Variants in CPNE7 observed in about 807,000 individuals in gnomAD.
CPNE7 encodes the protein copine 7.
Under a neutral mutation model 66.5 loss-of-function variants are expected in CPNE7, and 78 were observed. The observed-to-expected ratio is 1.17, with a 90% CI of 0.98 to 1.42. The LOEUF (loss-of-function observed/expected upper bound fraction) is 1.42, where lower values mean the gene tolerates loss of function less well. CPNE7 is among the 40% of genes most tolerant of loss of function. The pLI, the probability that CPNE7 is intolerant of heterozygous loss-of-function variation, is 0.00. For synonymous variants in CPNE7, 468 were observed against 336.7 expected, an observed-to-expected ratio of 1.39 and a Z score of -4.27; for missense variants, 1,012 against 776.6, an observed-to-expected ratio of 1.30 and a Z score of -3.60.
At chr16:89,583,807 C>A (rs2058993355) in intron 3 of CPNE7, 36 bp downstream of exon 3, 1 of 1,605,338 alleles carries the variant, frequency 6.2e-7, no homozygotes, top group Non-Finnish European at 8.5e-7. Context: ...CCTGCAGGCC[C>A]TGCTGCTGTG....
chr16:89,591,012 C>A lies in CPNE7; in HGVS notation c.1122C>A (p.Ser374=). The stretch of plus-strand genomic sequence containing the variant: ...GCCCTCTTGTTCCCACCCAGGTGTC[C>A]CATGACTTTGCCATCAATTTCAACC... The part of the protein sequence containing the change: ...GARIPPKYEV[S]HDFAINFNPE... The change falls in exon 12 of 15, where the codon TCC becomes TCA. Residue 374 remains serine, a synonymous_variant. Transcript: ENST00000319518. The A allele has an allele frequency of 1.2e-6, 2 of 1,613,682 alleles. No homozygotes were observed. Among genetic ancestry groups the A allele is most frequent in the Non-Finnish European group, 1.7e-6 (2 of 1,179,858 alleles).
intron 2 of CPNE7, among the ~76,000 whole-genome samples, chr16:89,582,610 AAG>A: frequency 6.6e-6 from 1 of 152,130 alleles, no homozygotes; most frequent in Non-Finnish European, 1.5e-5. Context: ...TTGCACCCCT[AAG>A]AGAGCCTTCC....
intron 5 of CPNE7, 139 bp from the exon 6 acceptor site, chr16:89,585,325 G>C: frequency 1.5e-6 from 1 of 648,118 alleles, no homozygotes; most frequent in Non-Finnish European, 2.7e-6. Context: ...CCAGCTCAGG[G>C]CCCCGGCGCT....
Position 89,592,395 on chromosome 16 carries a change from G to C in CPNE7, c.1302+1135G>C, listed in dbSNP as rs115475618. Among the ~76,000 whole-genome samples the C allele has an allele frequency of 2.5e-3, 385 of 151,254 alleles. 5 individuals carry two copies. Among genetic ancestry groups the C allele is most frequent in the African/African-American group, 8.7e-3 (358 of 41,002 alleles). ...TGAGGCCAACAGCTGCTCACACATT[G>C]CGCTCCTGCTTCACGTCTGTGTAGT... On this transcript the variant is annotated intron_variant, in intron 13 of 14. Coordinates refer to ENST00000319518, the MANE Select transcript of CPNE7 (RefSeq NM_153636.3).
rs1375730897 is a variant in CPNE7 at position 89,585,689 on chromosome 16, C to T, written c.684C>T (p.Cys228=). Residue 228 remains cysteine, a splice_region_variant and synonymous_variant, in exon 7 of 15, where the codon TGC becomes TGT. Transcript: ENST00000319518. ...CTGAGGAGGACTGGGCTCCCCAGTG[C>T]CTGGTCTGGGATTACGACTCTCGAG... ...CSCEETRPLK[C]LVWDYDSRGK... 2 of 1,553,010 alleles carry T rather than the reference C, an allele frequency of 1.3e-6. No homozygotes were observed. Among genetic ancestry groups the T allele is most frequent in the Non-Finnish European group, 8.7e-7 (1 of 1,147,994 alleles).
chr16:89,596,870 A>C lies in CPNE7; in HGVS notation c.*249A>C. ...GAGCCAGGTGGGTGGAGGGAGGGAG[A>C]TCATGAGGGACTTGGAGGGAGCTGG... On this transcript the variant is annotated 3_prime_UTR_variant, in exon 15 of 15. Transcript: ENST00000319518. 2.4e-6 allele frequency: 1 copy of C among 421,002 alleles called. No individual in the cohort carries two copies. Among genetic ancestry groups the C allele is most frequent in the Non-Finnish European group, 4.1e-6 (1 of 241,066 alleles). 26.1% of individuals were successfully genotyped at this position (421,002 alleles called of 1,614,324 possible).
At chr16:89,576,693 C>T (rs1033373130) in intron 1 of CPNE7, among the ~76,000 whole-genome samples, 3 of 152,152 alleles carry the variant, frequency 2.0e-5, no homozygotes, top group African/African-American at 4.8e-5. Context: ...CCGCAGCGGG[C>T]GGAGGAGCCG....
intron 1 of CPNE7, among the ~76,000 whole-genome samples, chr16:89,576,779 C>T (rs1348837905): frequency 6.6e-6 from 1 of 152,180 alleles, no homozygotes; most frequent in African/African-American, 2.4e-5. Flanking sequence ...CCAGCGCGGG[C>T]CCGGGCGGCT....
chr16:89,587,740 C>T (rs1184905314), intron 9 of CPNE7: 2 of 144,796 alleles, frequency 1.4e-5, no homozygotes, highest in African/African-American at 4.3e-5. Context: ...CCCACAGATA[C>T]ACGGCCCCCG....
At chr16:89,594,346 C>T (rs1327719337) in intron 13 of CPNE7, among the ~76,000 whole-genome samples, 1 of 151,918 alleles carries the variant, frequency 6.6e-6, no homozygotes, top group Non-Finnish European at 1.5e-5. Context: ...TAATTCTTCC[C>T]ACAGGTGTGG....
intron 9 of CPNE7, 103 bp downstream of exon 9, chr16:89,587,205 T>G: frequency 5.1e-6 from 2 of 393,102 alleles, no homozygotes; most frequent in African/African-American, 5.3e-5. Flanking sequence ...CCTCAGTCTG[T>G]GGCCCCGCCC....
Position 89,577,632 on chromosome 16 carries a change from C to A in CPNE7, c.268C>A (p.Arg90Ser). ...CTACTTCGAGGAGGTGCAGAGGCTG[C>A]GCTTTGAGGTGTACGACACGCATGG... The part of the protein sequence containing the change: ...DYYFEEVQRL[R>S]FEVYDTHGPS... The change falls in exon 2 of 15, where the codon CGC (arginine) becomes AGC (serine). Residue 90 changes from arginine to serine, a missense_variant. Physicochemically the swap from Arg to Ser is moderately radical, Grantham distance 110. Coordinates refer to ENST00000319518, the MANE Select transcript of CPNE7 (RefSeq NM_153636.3). The A allele has an allele frequency of 1.3e-6, 2 of 1,580,790 alleles. No individual in the cohort carries two copies. Among genetic ancestry groups the A allele is most frequent in the East Asian group, 2.3e-5 (1 of 43,348 alleles).
At chr16:89,588,592 T>C in intron 9 of CPNE7, 83 bp from the exon 10 acceptor site, 2 of 1,572,566 alleles carry the variant, frequency 1.3e-6, no homozygotes, top group Admixed American at 1.7e-5. Context: ...TCCTGGCCAC[T>C]CTGGGCGTGG....
intron 10 of CPNE7, 67 bp from the exon 11 acceptor site, chr16:89,589,829 CT>C: frequency 6.4e-7 from 1 of 1,570,610 alleles, no homozygotes; most frequent in Non-Finnish European, 8.7e-7. Flanking sequence ...TCATGTCTCC[CT>C]AGAAGTGGCC....
chr16:89,577,923 A>AAGCCT (rs2058886148), intron 2 of CPNE7, among the ~76,000 whole-genome samples: 1 of 152,208 alleles, frequency 6.6e-6, no homozygotes. Context: ...GTATGTTTTA[A>AAGCCT]AGCCTGAAGG....
intron 13 of CPNE7, chr16:89,594,245 A>G (rs1196323846): frequency 6.6e-6 from 1 of 151,740 alleles, no homozygotes; most frequent in Admixed American, 6.6e-5. Context: ...GGGCTTTCTG[A>G]GGCTGGGCTG....
chr16:89,584,952 C>T lies in CPNE7; in HGVS notation c.591+95C>T. The stretch of plus-strand genomic sequence containing the variant: ...CATGGGAGGAGCTCCCAGCCTCCAA[C>T]AGGGAGCTGTGGGCGCAGGGCTTTG... On this transcript the variant is annotated intron_variant, in intron 5 of 14. Coordinates refer to ENST00000319518, the MANE Select transcript of CPNE7 (RefSeq NM_153636.3). This position sits in a 1 kb window ranked among gnomAD's most constrained non-coding sequence, Gnocchi z 6.0. 1 of 1,144,330 alleles carries T rather than the reference C, an allele frequency of 8.7e-7. No homozygotes were observed. The highest frequency in any genetic ancestry group is 1.3e-6 in the Non-Finnish European group (1 of 775,426). 70.9% of individuals were successfully genotyped at this position (1,144,330 alleles called of 1,614,324 possible). A position where few individuals can be genotyped will look rare whatever the true frequency, so the allele number is the denominator to read the frequency against.
intron 13 of CPNE7, among the ~76,000 whole-genome samples, chr16:89,594,641 CCTTTTTTT>C (rs1222881905): frequency 7.9e-6 from 1 of 126,696 alleles, no homozygotes; most frequent in Non-Finnish European, 1.6e-5. Context: ...TTCCATTCTG[CCTTTTTTT>C]TTTTTTTTTT....
rs993132802 is a variant in CPNE7, at chr16:89,583,847, G to A, written c.432+76G>A. 3.2e-6 allele frequency: 5 copies of A among 1,552,812 alleles called. No individual in the cohort carries two copies. In the African/African-American group the frequency reaches 4.1e-5, roughly 13 times the overall value. On this transcript the variant is annotated intron_variant, in intron 3 of 14. Transcript: ENST00000319518. The stretch of plus-strand genomic sequence containing the variant: ...CGAGGGGTGTTGTGGGCGGAAGATG[G>A]GCAGCAGCGTGCCGTCCAGGGAGGG...
Sources: gnomAD v4.1 joint callset for allele counts (sites outside exome capture counted in the v4.1 genomes callset) on GRCh38, gnomAD v4.1.1 for gene constraint, Gnocchi (gnomAD v3.1) non-coding constraint, MANE v1.5 for transcripts, NCBI Gene and HGNC (gene_info 2026-07-23, HGNC 2026-07-21) for gene names.